JADE1: variants seen among roughly 807,000 people sequenced by gnomAD.
JADE1 encodes protein Jade-1.
Under a neutral mutation model 81.8 loss-of-function variants are expected in JADE1, and 14 were observed. The ratio of observed to expected loss-of-function variants is 0.17; its 90% CI spans 0.11 to 0.27. JADE1 has a LOEUF of 0.27. Ranked by LOEUF, JADE1 falls within the 10% of genes least tolerant of loss-of-function variation. The pLI is 1.00. For missense variants in JADE1, 690 were observed against 1,047.9 expected (o/e 0.66, Z 4.71); for synonymous variants, 353 against 391.9 (o/e 0.90, Z 1.17).
At chr4:128,865,712 A>T (rs564629433) in intron 9 of JADE1, among the ~76,000 whole-genome samples, 1 of 152,290 alleles carries the variant, frequency 6.6e-6, no homozygotes, top group African/African-American at 2.4e-5. Context: ...TTACATTTAG[A>T]TATTTCCCAT....
chr4:128,831,495 T>A (rs1728548476), intron 1 of JADE1: 3 of 510,470 alleles, frequency 5.9e-6, no homozygotes, highest in Non-Finnish European at 1.1e-5. Flanking sequence ...AAACCTGGCA[T>A]CTTTGGGAGA....
At chr4:128,863,782 C>A (rs1424081310) in intron 9 of JADE1, 2 of 985,274 alleles carry the variant, frequency 2.0e-6, no homozygotes, top group Non-Finnish European at 2.4e-6. Flanking sequence ...TGGTAAGAAG[C>A]CTTTATGCCA....
chr4:128,809,996 G>GGCGGCGGCT (rs1263799934), intron 1 of JADE1, 119 bp downstream of exon 1: 1 of 161,480 alleles, frequency 6.2e-6, no homozygotes, highest in Non-Finnish European at 1.3e-5. Context: ...CGGCGGCGGC[G>GGCGGCGGCT]GCGGCGGCTG....
intron 9 of JADE1, chr4:128,863,038 G>A (rs572286658): frequency 1.0e-6 from 1 of 985,438 alleles, no homozygotes; most frequent in African/African-American, 1.7e-5. Flanking sequence ...CGCTACAGAT[G>A]TGTTGTTTGT....
At chr4:128,833,811 G>A (rs545597747) in intron 2 of JADE1, among the ~76,000 whole-genome samples, 31 of 152,278 alleles carry the variant, frequency 2.0e-4, no homozygotes, top group Non-Finnish European at 4.0e-4. Flanking sequence ...ATTTTTCTTG[G>A]CATTGAGCAT....
At chr4:128,841,029 T>A (rs762296219) in intron 2 of JADE1, among the ~76,000 whole-genome samples, 37 of 152,360 alleles carry the variant, frequency 2.4e-4, no homozygotes, top group Non-Finnish European at 4.3e-4. Context: ...TAGGCTTATG[T>A]GCAGAATCTA....
rs1339711613 is a variant in JADE1, at chr4:128,871,151, T to C, written c.1622-204T>C. ...CAGCTGTTTTAGAAAATGTGGCATA[T>C]TGAGTCTGCAGATTGAATGGAGATT... On this transcript the variant is annotated intron_variant, in intron 10 of 10. Coordinates refer to ENST00000226319, the MANE Select transcript of JADE1 (RefSeq NM_199320.4). This position sits in a 1 kb window ranked among gnomAD's most constrained non-coding sequence, Gnocchi z 4.1. 6.6e-6 allele frequency among the ~76,000 whole-genome samples: 1 copy of C among 152,204 alleles called. No individual in the cohort carries two copies. The highest frequency in any genetic ancestry group is 2.4e-5 in the African/African-American group (1 of 41,450).
intron 6 of JADE1, among the ~76,000 whole-genome samples, chr4:128,854,986 G>A (rs1730668527): frequency 6.6e-6 from 1 of 152,056 alleles, no homozygotes; most frequent in South Asian, 2.1e-4. Flanking sequence ...ACCAGCTAAG[G>A]AGACGACATT....
In JADE1 at chr4:128,846,859, T is replaced by C. The variant is rs1183888141; in HGVS notation, c.296+327T>C. ...AGGAAAATTTGGGTGTTCACACGTC[T>C]GCATCCTCTTTTCCTGCCCTCCGTA... On this transcript the variant is annotated intron_variant, in intron 4 of 10. Transcript: ENST00000226319. The surrounding 1 kb of genome is among the most constrained non-coding windows in gnomAD (Gnocchi z 4.0). 6.6e-6 allele frequency among the ~76,000 whole-genome samples: 1 copy of C among 152,176 alleles called. No homozygotes were observed. The highest frequency in any genetic ancestry group is 2.4e-5 in the African/African-American group (1 of 41,442).
chr4:128,863,018 A>G, intron 9 of JADE1: 1 of 985,490 alleles, frequency 1.0e-6, no homozygotes, highest in Non-Finnish European at 1.2e-6. Flanking sequence ...AGCCCCAGTC[A>G]TGCTCAGCAC....
intron 1 of JADE1, chr4:128,810,463 T>G (rs890632169): frequency 6.6e-6 from 1 of 150,488 alleles, no homozygotes; most frequent in South Asian, 2.1e-4. Flanking sequence ...TTTTTTTTTT[T>G]TTTTTTTTTT....
At chr4:128,829,405 T>G (rs761243677) in intron 1 of JADE1, among the ~76,000 whole-genome samples, 1 of 152,208 alleles carries the variant, frequency 6.6e-6, no homozygotes, top group Non-Finnish European at 1.5e-5. Flanking sequence ...TTTTAATGGC[T>G]TTTGAAGAAT....
intron 10 of JADE1, among the ~76,000 whole-genome samples, chr4:128,868,366 C>T (rs1731938004): frequency 6.6e-6 from 1 of 152,160 alleles, no homozygotes; most frequent in South Asian, 2.1e-4. Flanking sequence ...TATATTCAGC[C>T]TTGGGCTCTA....
Position 128,819,082 on chromosome 4 carries a change from A to G in JADE1, c.-27+9205A>G, listed in dbSNP as rs1005889962. Among the ~76,000 whole-genome samples the G allele has an allele frequency of 2.6e-5, 4 of 152,166 alleles. No individual in the cohort carries two copies. In the South Asian group the frequency reaches 6.2e-4, roughly 24 times the overall value. On this transcript the variant is annotated intron_variant, in intron 1 of 10. Coordinates refer to ENST00000226319, the MANE Select transcript of JADE1 (RefSeq NM_199320.4). Reference sequence around the variant, plus strand: ...CTCAAAGGTTCTGCCCACTTTGGCCATCACTCCCTGGCCTCCCCAGATTTA... The same window carrying G: ...CTCAAAGGTTCTGCCCACTTTGGCCGTCACTCCCTGGCCTCCCCAGATTTA...
At chr4:128,811,539 GC>G (rs1726370093) in intron 1 of JADE1, 3 of 149,978 alleles carry the variant, frequency 2.0e-5, no homozygotes, top group African/African-American at 7.3e-5. Context: ...AGGAGAGGCG[GC>G]CCAGTGTGGA....
At chr4:128,862,447 T>G (rs1731418633) in intron 9 of JADE1, 2 of 1,403,716 alleles carry the variant, frequency 1.4e-6, no homozygotes, top group Non-Finnish European at 1.8e-6. Flanking sequence ...GGTTTTTTTT[T>G]TTTTAAAAAC....
chr4:128,863,642 G>A, intron 9 of JADE1: 1 of 985,410 alleles, frequency 1.0e-6, no homozygotes, highest in Non-Finnish European at 1.2e-6. Context: ...GAGCAGTTTT[G>A]TGAGGCTTTT....
chr4:128,866,950 T>G (rs1731825769), intron 9 of JADE1, among the ~76,000 whole-genome samples: 1 of 152,206 alleles, frequency 6.6e-6, no homozygotes, highest in East Asian at 1.9e-4. Flanking sequence ...TAGGGGAGTT[T>G]AGAGACTAAT....
chr4:128,829,481 A>G lies in JADE1; in HGVS notation c.-26-2252A>G, dbSNP rs931034921. Among the ~76,000 whole-genome samples the G allele has an allele frequency of 6.6e-5, 10 of 152,338 alleles. No individual in the cohort carries two copies. The East Asian group carries it at 7.7e-4, about 12-fold the overall frequency. ...GAAGAAAATATAAAATATTGCAATT[A>G]TAGATTAGGGACCTAAATATTTGGA... On this transcript the variant is annotated intron_variant, in intron 1 of 10. Coordinates refer to ENST00000226319, the MANE Select transcript of JADE1 (RefSeq NM_199320.4).
Sources: allele counts gnomAD v4.1 joint callset (sites outside exome capture counted in the v4.1 genomes callset), GRCh38; gene constraint gnomAD v4.1.1; non-coding constraint Gnocchi (gnomAD v3.1); transcripts MANE v1.5; gene names NCBI Gene and HGNC (gene_info 2026-07-23, HGNC 2026-07-21).